Variants in TMCC2 observed in about 807,000 individuals in gnomAD.
The protein encoded by TMCC2 is transmembrane and coiled-coil domain family 2.
In TMCC2, 16 loss-of-function variants were observed where a neutral mutation model predicts 49.4. That is an observed-to-expected ratio of 0.32 (90% CI 0.22 to 0.49). The LOEUF is 0.49. Ranked by LOEUF, TMCC2 falls within the 20% of genes least tolerant of loss-of-function variation. The pLI, the probability that TMCC2 is intolerant of heterozygous loss-of-function variation, is 0.99. For synonymous variants in TMCC2, 397 were observed against 434.1 expected (o/e 0.91, Z 1.06); for missense variants, 762 against 989.8 (o/e 0.77, Z 3.09).
At chr1:205,270,050 C>T (rs1232075999) in intron 3 of TMCC2, among the ~76,000 whole-genome samples, 166 bp downstream of exon 3, 2 of 141,254 alleles carry the variant, frequency 1.4e-5, no homozygotes, top group Admixed American at 6.9e-5. Flanking sequence ...TTCTTTTTTC[C>T]TTCTGTATTT....
At chr1:205,245,489 G>A (rs1660420735) in intron 2 of TMCC2, among the ~76,000 whole-genome samples, 1 of 152,146 alleles carries the variant, frequency 6.6e-6, no homozygotes, top group Non-Finnish European at 1.5e-5. Flanking sequence ...GAGTTCCAAG[G>A]GAAACTCAGA....
chr1:205,228,588 G>A lies in TMCC2; in HGVS notation c.24G>A (p.Glu8=). The A allele has an allele frequency of 1.9e-6, 3 of 1,611,352 alleles. No individual in the cohort carries two copies. Among genetic ancestry groups the A allele is most frequent in the South Asian group, 1.1e-5 (1 of 90,974 alleles). ...CCATGAAGAGGTGCAGATCGGACGA[G>A]CTGCAGCAACAACAGGGCGAGGAGG... MKRCRSD[E]LQQQQGEEDG... is the part of the protein sequence containing the mutation. Residue 8 remains glutamate (E), a synonymous_variant, in exon 1 of 5, where the codon GAG becomes GAA. Coordinates refer to ENST00000358024, the MANE Select transcript of TMCC2 (RefSeq NM_014858.4).
rs1661507798 is a variant in TMCC2, at chr1:205,269,806, A to G, written c.1604A>G (p.Asp535Gly). ...AAGGAGGGACAGTCTCACCTGGAGGACTCCATGGAAGACCTGAAGACTCAG... is the reference window on the plus strand; with the variant it reads ...AAGGAGGGACAGTCTCACCTGGAGGGCTCCATGGAAGACCTGAAGACTCAG... ...EIKEGQSHLEDSMEDLKTQLQ... is the reference protein window; with the variant it reads ...EIKEGQSHLEGSMEDLKTQLQ... The change falls in exon 3 of 5, where the codon GAC becomes GGC. Residue 535 changes from aspartate (D) to glycine (G), a missense_variant. Asp to Gly is a moderately conservative substitution (Grantham distance 94). Around this residue, in one of 2 missense-constraint regions of TMCC2, gnomAD observed 440 missense variants for 636.7 expected, o/e 0.69. Transcript: ENST00000358024. 1 of 1,613,880 alleles carries G rather than the reference A, an allele frequency of 6.2e-7. No individual in the cohort carries two copies. Among genetic ancestry groups the G allele is most frequent in the Admixed American group, 1.7e-5 (1 of 59,986 alleles).
chr1:205,256,307 T>G, intron 2 of TMCC2: 1 of 1,549,456 alleles, frequency 6.5e-7, no homozygotes, highest in Non-Finnish European at 8.7e-7. Flanking sequence ...CCGGTGACAC[T>G]GCTCACTGCT....
intron 2 of TMCC2, chr1:205,268,193 G>T (rs1661425522): frequency 2.1e-6 from 1 of 467,932 alleles, no homozygotes; most frequent in Non-Finnish European, 2.8e-6. Context: ...GGAGAGGCCT[G>T]CTCAAGGCAG....
Position 205,241,864 on chromosome 1 carries a change from G to A in TMCC2, c.567G>A (p.Glu189=). Residue 189 remains glutamate, a synonymous_variant, in exon 2 of 5, where the codon GAG becomes GAA. Coordinates refer to ENST00000358024, the MANE Select transcript of TMCC2 (RefSeq NM_014858.4). The surrounding 1 kb of genome is among the most constrained non-coding windows in gnomAD (Gnocchi z 7.3). The stretch of plus-strand genomic sequence containing the variant: ...GGCGCACCAAGAGTAGCTCCCTGGA[G>A]CCCCAGCGTGGCAGCCCTCACCTGC... The part of the protein sequence containing the change: ...SSRRTKSSSL[E]PQRGSPHLLR... 1.2e-6 allele frequency: 2 copies of A among 1,601,884 alleles called. No individual in the cohort carries two copies. The highest frequency in any genetic ancestry group is 1.7e-6 in the Non-Finnish European group (2 of 1,175,900).
Position 205,269,083 on chromosome 1 carries a change from A to G in TMCC2, c.881A>G (p.Gln294Arg), listed in dbSNP as rs1661468225. Reference sequence around the variant, plus strand: ...AAGGCCGCCATTGACCACCTGCACCAGAAGATCCTGAAGATCACCGAGCAG... The same window carrying G: ...AAGGCCGCCATTGACCACCTGCACCGGAAGATCCTGAAGATCACCGAGCAG... ...RTKAAIDHLH[Q>R]KILKITEQIK... Residue 294 changes from glutamine (Q) to arginine (R), a missense_variant, in exon 3 of 5, where the codon CAG becomes CGG. Gln to Arg is a conservative substitution (Grantham distance 43). Transcript: ENST00000358024. 8 of 1,613,982 alleles carry G rather than the reference A, an allele frequency of 5.0e-6. No individual in the cohort carries two copies. Among genetic ancestry groups the G allele is most frequent in the East Asian group, 2.2e-5 (1 of 44,890 alleles).
At chr1:205,234,560 T>A (rs545212702) in intron 1 of TMCC2, among the ~76,000 whole-genome samples, 1 of 152,228 alleles carries the variant, frequency 6.6e-6, no homozygotes, top group East Asian at 1.9e-4. Flanking sequence ...AAAACCATCA[T>A]GGAAATACAT....
chr1:205,232,949 AAAAAAAAAAAACAC>A (rs1659861160), intron 1 of TMCC2, among the ~76,000 whole-genome samples: 1 of 147,212 alleles, frequency 6.8e-6, no homozygotes, highest in Non-Finnish European at 1.5e-5. Flanking sequence ...AAAAAAAAAA[AAAAAAAAAAAACAC>A]AAAAAAACAC....
chr1:205,255,448 G>A (rs542660844), intron 2 of TMCC2, among the ~76,000 whole-genome samples: 15 of 152,262 alleles, frequency 9.9e-5, no homozygotes, highest in Admixed American at 3.3e-4. Flanking sequence ...CCAGCTACTT[G>A]GGAGACTGAA....
intron 1 of TMCC2, among the ~76,000 whole-genome samples, chr1:205,231,407 C>T (rs1392781715): frequency 6.6e-6 from 1 of 152,134 alleles, no homozygotes; most frequent in Non-Finnish European, 1.5e-5. Context: ...AGTGACTCCC[C>T]AATCTCAGCC....
At chr1:205,267,195 G>A (rs1661377044) in intron 2 of TMCC2, among the ~76,000 whole-genome samples, 1 of 152,190 alleles carries the variant, frequency 6.6e-6, no homozygotes, top group African/African-American at 2.4e-5. Flanking sequence ...TCCCCAGGGG[G>A]AAGTGTAACC....
chr1:205,237,040 T>A (rs372636287), intron 1 of TMCC2, among the ~76,000 whole-genome samples: 1 of 152,208 alleles, frequency 6.6e-6, no homozygotes, highest in Non-Finnish European at 1.5e-5. Context: ...GTTGAGTTTT[T>A]TTTTTAAAAT....
At chr1:205,257,205 A>G (rs1269376458) in intron 2 of TMCC2, 3 of 1,232,268 alleles carry the variant, frequency 2.4e-6, no homozygotes, top group South Asian at 4.1e-5. Context: ...CAGTCTGGAG[A>G]TGGCGGCTGC....
Position 205,271,801 on chromosome 1 carries a change from C to T in TMCC2, c.1819-12C>T. 6.2e-7 allele frequency: 1 copy of T among 1,605,820 alleles called. No individual in the cohort carries two copies. Among genetic ancestry groups the T allele is most frequent in the East Asian group, 2.2e-5 (1 of 44,800 alleles). Reference sequence around the variant, plus strand: ...CCTGAGCGCACACATGCCAGCCCCTCTGCCCCTGCAGGAGGCCGTGGAGTC... The same window carrying T: ...CCTGAGCGCACACATGCCAGCCCCTTTGCCCCTGCAGGAGGCCGTGGAGTC... On this transcript the variant is annotated splice_polypyrimidine_tract_variant and intron_variant, in intron 4 of 4. Transcript: ENST00000358024.
chr1:205,233,404 C>T (rs898035901), intron 1 of TMCC2, among the ~76,000 whole-genome samples: 6 of 152,220 alleles, frequency 3.9e-5, no homozygotes, highest in African/African-American at 1.4e-4. Context: ...ACACCATACA[C>T]TGGTCTTCCT....
chr1:205,267,446 T>A (rs1033726984), intron 2 of TMCC2, among the ~76,000 whole-genome samples: 1 of 152,016 alleles, frequency 6.6e-6, no homozygotes. Context: ...CCCCCTCCCA[T>A]ACATACTAAG....
chr1:205,272,375 TGGGGTTGG>T lies in TMCC2; in HGVS notation c.*252_*259del. 1.6e-6 allele frequency: 1 copy of T among 640,170 alleles called. No individual in the cohort carries two copies. Among genetic ancestry groups the T allele is most frequent in the Non-Finnish European group, 2.6e-6 (1 of 389,148 alleles). 39.7% of individuals were successfully genotyped at this position (640,170 alleles called of 1,614,324 possible). On this transcript the variant is annotated 3_prime_UTR_variant, in exon 5 of 5. Transcript: ENST00000358024. ...TGGCCAAGTGGAGCAGAGGTGGACA[TGGGGTTGG>T]ATTGTTTTGATTATTTATAGTTACA... is the stretch of plus-strand genomic sequence containing the variant.
intron 2 of TMCC2, among the ~76,000 whole-genome samples, chr1:205,266,264 T>G (rs1354406664): frequency 2.9e-5 from 4 of 138,890 alleles, no homozygotes; most frequent in Non-Finnish European, 3.1e-5. Context: ...AAAAAAAAGT[T>G]CTGTAACATC....
Sources: allele counts gnomAD v4.1 joint callset (sites outside exome capture counted in the v4.1 genomes callset), GRCh38; gene constraint gnomAD v4.1.1; regional missense constraint gnomAD v4.1.1; non-coding constraint Gnocchi (gnomAD v3.1); transcripts MANE v1.5; gene names NCBI Gene and HGNC (gene_info 2026-07-23, HGNC 2026-07-21).